Variants in NRG3 observed in about 807,000 individuals in gnomAD.
NRG3 encodes the protein neuregulin 3.
In NRG3, 31 loss-of-function variants were observed where a neutral mutation model predicts 66.9. The observed-to-expected ratio is 0.46, with a 90% confidence interval of 0.35 to 0.63. The LOEUF is 0.63. NRG3 is among the 20% of genes least tolerant of loss of function. The pLI is 0.00. For missense variants in NRG3, 910 were observed against 878.9 expected (o/e 1.04, Z -0.45); for synonymous variants, 393 against 359.4 (o/e 1.09, Z -1.06).
chr10:82,761,922 CTCTTTCTT>C (rs140350240), intron 3 of NRG3, among the ~76,000 whole-genome samples: 9,283 of 123,732 alleles, frequency 0.075, 387 homozygotes, highest in Middle Eastern at 0.11. Flanking sequence ...TTCTTTCTTT[CTCTTTCTT>C]TCTTTCTTTC....
intron 1 of NRG3, among the ~76,000 whole-genome samples, chr10:82,301,166 T>C (rs1405555963): frequency 6.6e-6 from 1 of 152,220 alleles, no homozygotes; most frequent in Non-Finnish European, 1.5e-5. Context: ...TTTTGTTATG[T>C]CAGTCAAGCT....
intron 2 of NRG3, among the ~76,000 whole-genome samples, chr10:82,431,608 T>G (rs748121142): frequency 7.2e-5 from 11 of 152,206 alleles, no homozygotes; most frequent in Non-Finnish European, 1.6e-4. Flanking sequence ...ATTCGGAAAG[T>G]GCTTTCAAGT....
At position 82,358,745 on chromosome 10, in the gene NRG3, C is replaced by G. The variant is rs753131620; in HGVS notation, c.830C>G (p.Thr277Arg). 6.2e-7 allele frequency: 1 copy of G among 1,614,096 alleles called. No individual in the cohort carries two copies. The highest frequency in any genetic ancestry group is 8.5e-7 in the Non-Finnish European group (1 of 1,179,990). The change falls in exon 2 of 9, where the codon ACG becomes AGG. Residue 277 changes from threonine (T) to arginine (R), a missense_variant. By Grantham distance (71) the Thr-to-Arg change is moderately conservative (BLOSUM62 -1). Coordinates refer to ENST00000372141, the MANE Select transcript of NRG3 (RefSeq NM_001010848.4). ...ETSTSPKFHTTTYSTERSEHF... is the reference protein window; with the variant it reads ...ETSTSPKFHTRTYSTERSEHF... ...CCTGTGCTTTCCCTGACAGATACGA[C>G]GACATATTCCACAGAGCGATCCGAG...
At chr10:82,073,416 T>C (rs1031323802) in intron 1 of NRG3, among the ~76,000 whole-genome samples, 1 of 151,776 alleles carries the variant, frequency 6.6e-6, no homozygotes, top group Non-Finnish European at 1.5e-5. Context: ...ACAAATTCTG[T>C]GAGATGTTCT....
At chr10:81,911,715 C>T (rs1845183639) in intron 1 of NRG3, among the ~76,000 whole-genome samples, 1 of 137,950 alleles carries the variant, frequency 7.2e-6, no homozygotes, top group African/African-American at 2.9e-5. Context: ...CACCTCCAAC[C>T]TTTCCCCGTT....
chr10:82,569,914 G>A lies in NRG3; in HGVS notation c.954-168663G>A, dbSNP rs2045629171. Reference sequence around the variant, plus strand: ...AAAACCACACTCTTGATTCACACTTGCCTTCATAAGTCTTGCAATTTTCCA... The same window carrying A: ...AAAACCACACTCTTGATTCACACTTACCTTCATAAGTCTTGCAATTTTCCA... On this transcript the variant is annotated intron_variant, in intron 2 of 8. Transcript: ENST00000372141. Among the ~76,000 whole-genome samples the A allele has an allele frequency of 2.0e-5, 3 of 151,538 alleles. No homozygotes were observed. The South Asian group carries it at 6.2e-4, about 31-fold the overall frequency.
chr10:81,950,439 A>G (rs2133183089), intron 1 of NRG3, among the ~76,000 whole-genome samples: 1 of 152,288 alleles, frequency 6.6e-6, no homozygotes, highest in East Asian at 1.9e-4. Context: ...GGTCAAGAAA[A>G]TCACTTCAGG....
intron 1 of NRG3, among the ~76,000 whole-genome samples, chr10:82,002,458 A>G (rs868333659): frequency 6.6e-6 from 1 of 152,192 alleles, no homozygotes; most frequent in Non-Finnish European, 1.5e-5. Context: ...TAAAATTTTT[A>G]TTTATATAAA....
At chr10:82,528,892 G>A (rs1846986030) in intron 2 of NRG3, among the ~76,000 whole-genome samples, 3 of 152,052 alleles carry the variant, frequency 2.0e-5, no homozygotes, top group Admixed American at 2.0e-4. Context: ...ACATGACCTG[G>A]ATGACCTAGG....
chr10:82,078,954 C>T (rs2133389253), intron 1 of NRG3, among the ~76,000 whole-genome samples: 1 of 152,184 alleles, frequency 6.6e-6, no homozygotes, highest in South Asian at 2.1e-4. Flanking sequence ...AACAGTGGTG[C>T]ACTCATCAAA....
chr10:82,737,825 C>T (rs1168836646), intron 2 of NRG3, among the ~76,000 whole-genome samples: 3 of 152,136 alleles, frequency 2.0e-5, no homozygotes, highest in African/African-American at 7.2e-5. Flanking sequence ...GGCAGGGCGG[C>T]GGGGGCATGC....
chr10:81,908,407 T>C (rs1844799971), intron 1 of NRG3, among the ~76,000 whole-genome samples: 1 of 152,184 alleles, frequency 6.6e-6, no homozygotes. Flanking sequence ...ATACCTTTCA[T>C]ATATTGCATC....
chr10:82,032,112 T>G (rs918978506), intron 1 of NRG3, among the ~76,000 whole-genome samples: 5 of 140,434 alleles, frequency 3.6e-5, no homozygotes, highest in Admixed American at 1.4e-4. Flanking sequence ...CTTGTTTGAT[T>G]CTTTTTTTTT....
intron 2 of NRG3, among the ~76,000 whole-genome samples, chr10:82,496,322 AGCCT>A (rs1843631044): frequency 6.6e-6 from 1 of 152,202 alleles, no homozygotes; most frequent in African/African-American, 2.4e-5. Flanking sequence ...ATATTTCATA[AGCCT>A]AGTAATAACA....
chr10:82,318,396 T>G (rs2081401091), intron 1 of NRG3, among the ~76,000 whole-genome samples: 1 of 152,176 alleles, frequency 6.6e-6, no homozygotes, highest in Admixed American at 6.5e-5. Flanking sequence ...GTAAACACCA[T>G]ACACAGAGGA....
At chr10:82,794,160 A>T (rs1330568355) in intron 3 of NRG3, among the ~76,000 whole-genome samples, 4 of 152,142 alleles carry the variant, frequency 2.6e-5, no homozygotes, top group Admixed American at 1.3e-4. Context: ...GGAGCATAGG[A>T]AGGTGCCTCA....
chr10:82,322,728 G>C (rs2081642296), intron 1 of NRG3, among the ~76,000 whole-genome samples: 1 of 152,122 alleles, frequency 6.6e-6, no homozygotes. Flanking sequence ...CAGTTCTTGT[G>C]ACTCAGTAAG....
chr10:82,764,850 G>A (rs796171646), intron 3 of NRG3, among the ~76,000 whole-genome samples: 27 of 151,942 alleles, frequency 1.8e-4, no homozygotes, highest in African/African-American at 6.0e-4. Flanking sequence ...GTGTGAGACA[G>A]AGAGAGCAAC....
At chr10:81,915,496 G>GTTTTTTTTTTTTTT (rs78693924) in intron 1 of NRG3, among the ~76,000 whole-genome samples, 5 of 130,732 alleles carry the variant, frequency 3.8e-5, no homozygotes, top group African/African-American at 1.5e-4. Context: ...CACTTCTTTA[G>GTTTTTTTTTTTTTT]TTTTTTTTTT....
Sources: allele counts gnomAD v4.1 joint callset (sites outside exome capture counted in the v4.1 genomes callset), GRCh38; gene constraint gnomAD v4.1.1; transcripts MANE v1.5; gene names NCBI Gene and HGNC (gene_info 2026-07-23, HGNC 2026-07-21).